The following WWOX variants were observed in gnomAD, a reference collection of about 807,000 sequenced individuals.
WWOX encodes the protein WW domain containing oxidoreductase, also known as WW domain-containing oxidoreductase.
Under a neutral mutation model 46.2 loss-of-function variants are expected in WWOX, and 69 were observed. The observed-to-expected ratio is 1.49, with a 90% CI of 1.23 to 1.82. WWOX has a LOEUF of 1.82. WWOX is among the 40% of genes most tolerant of loss of function. WWOX has a pLI of 0.00. For missense variants in WWOX, 919 were observed against 542.6 expected (o/e 1.69, Z -6.89); for synonymous variants, 359 against 202.6 (o/e 1.77, Z -6.56).
chr16:78,468,947 T>A (rs2084153331), intron 8 of WWOX, among the ~76,000 whole-genome samples: 1 of 152,184 alleles, frequency 6.6e-6, no homozygotes, highest in African/African-American at 2.4e-5. Flanking sequence ...AGAGCGAAAC[T>A]TTTGGTATGA....
At chr16:78,818,481 A>T (rs986105736) in intron 8 of WWOX, among the ~76,000 whole-genome samples, 2 of 152,232 alleles carry the variant, frequency 1.3e-5, no homozygotes, top group East Asian at 1.9e-4. Context: ...CTGTAATCCC[A>T]GCACTTCGGG....
At chr16:78,451,968 T>C (rs11866221) in intron 8 of WWOX, among the ~76,000 whole-genome samples, 21,119 of 152,148 alleles carry the variant, frequency 0.14, 1,868 homozygotes, top group East Asian at 0.3. Flanking sequence ...TTTTTTCAGG[T>C]CATATTAATG....
intron 8 of WWOX, among the ~76,000 whole-genome samples, chr16:78,924,263 T>A (rs371332176): frequency 6.6e-6 from 1 of 152,168 alleles, no homozygotes; most frequent in African/African-American, 2.4e-5. Context: ...CTTTATAATG[T>A]GGTTAGACAA....
At chr16:78,923,244 G>C (rs2045420969) in intron 8 of WWOX, among the ~76,000 whole-genome samples, 1 of 152,094 alleles carries the variant, frequency 6.6e-6, no homozygotes, top group African/African-American at 2.4e-5. Context: ...GCCTCCCAAA[G>C]CACTGGGATT....
chr16:78,389,984 T>C (rs1234666946), intron 6 of WWOX, among the ~76,000 whole-genome samples: 3 of 152,190 alleles, frequency 2.0e-5, no homozygotes, highest in Non-Finnish European at 2.9e-5. Context: ...TGACCTCAAG[T>C]GATCTCTCCA....
At chr16:79,011,304 T>C (rs1213478587) in intron 8 of WWOX, among the ~76,000 whole-genome samples, 2 of 151,760 alleles carry the variant, frequency 1.3e-5, no homozygotes, top group African/African-American at 4.8e-5. Context: ...AAATTAACAC[T>C]ATTACGTAGT....
At chr16:78,412,604 T>C (rs67569839) in intron 6 of WWOX, among the ~76,000 whole-genome samples, 40,063 of 151,872 alleles carry the variant, frequency 0.26, 10,728 homozygotes, top group African/African-American at 0.68. Flanking sequence ...CAAGAGTGGA[T>C]GGTATCACAG....
chr16:78,442,020 C>G (rs1204139699), intron 8 of WWOX, among the ~76,000 whole-genome samples: 1 of 150,268 alleles, frequency 6.7e-6, no homozygotes, highest in Non-Finnish European at 1.5e-5. Context: ...GCCTATAATC[C>G]TAACAGTTGA....
Position 78,675,672 on chromosome 16 carries a change from T to A in WWOX, c.1056+242920T>A, listed in dbSNP as rs573729191. On this transcript the variant is annotated intron_variant, in intron 8 of 8. Coordinates refer to ENST00000566780, the MANE Select transcript of WWOX (RefSeq NM_016373.4). ...ATGTCTTTAAAAAAAATAAATTAAATTTTTAAAAACATGACTTTCTGGCCA... is the reference window on the plus strand; with the variant it reads ...ATGTCTTTAAAAAAAATAAATTAAAATTTTAAAAACATGACTTTCTGGCCA... 3.1e-4 allele frequency among the ~76,000 whole-genome samples: 47 copies of A among 152,252 alleles called. 2 individuals carry two copies. Among genetic ancestry groups the A allele is most frequent in the Middle Eastern group, 3.4e-3 (1 of 294 alleles).
intron 8 of WWOX, among the ~76,000 whole-genome samples, chr16:78,951,471 C>G (rs2046058469): frequency 6.6e-6 from 1 of 151,916 alleles, no homozygotes; most frequent in Non-Finnish European, 1.5e-5. Context: ...GCGGGATCCC[C>G]TTGATCCACA....
intron 8 of WWOX, among the ~76,000 whole-genome samples, chr16:78,575,064 T>TATATATAA (rs2044838686): frequency 4.6e-5 from 1 of 21,548 alleles, no homozygotes. Context: ...TATATATATA[T>TATATATAA]ATATATATAT....
rs80094555 is a variant in WWOX at position 78,419,089 on chromosome 16, C to T, written c.606-5781C>T. On this transcript the variant is annotated intron_variant, in intron 6 of 8. Coordinates refer to ENST00000566780, the MANE Select transcript of WWOX (RefSeq NM_016373.4). ...TAAAAAATATTAAAATGAACAGGTTCAGCCAGGATAAAAGTAGGATAAAAG... is the reference window on the plus strand; with the variant it reads ...TAAAAAATATTAAAATGAACAGGTTTAGCCAGGATAAAAGTAGGATAAAAG... Among the ~76,000 whole-genome samples, 43 of 152,088 alleles carry T rather than the reference C, an allele frequency of 2.8e-4. No individual in the cohort carries two copies. In the East Asian group the frequency reaches 8.1e-3, roughly 29 times the overall value.
chr16:79,167,428 G>T (rs1471000567), intron 8 of WWOX, among the ~76,000 whole-genome samples: 1 of 152,080 alleles, frequency 6.6e-6, no homozygotes, highest in Non-Finnish European at 1.5e-5. Context: ...GGCTCAGATG[G>T]CTCTGACCTT....
chr16:78,458,461 A>G (rs544165020), intron 8 of WWOX, among the ~76,000 whole-genome samples: 8 of 152,014 alleles, frequency 5.3e-5, no homozygotes, highest in African/African-American at 7.2e-5. Context: ...AGGTTTCCCT[A>G]TGTTGCCCAG....
intron 5 of WWOX, among the ~76,000 whole-genome samples, chr16:78,228,343 T>C (rs988120180): frequency 4.0e-5 from 1 of 25,306 alleles, no homozygotes; most frequent in Admixed American, 8.8e-4. Flanking sequence ...TTCTCTCTTT[T>C]TTTTTTTTTT....
At chr16:78,763,100 C>A (rs993040690) in intron 8 of WWOX, among the ~76,000 whole-genome samples, 1 of 152,184 alleles carries the variant, frequency 6.6e-6, no homozygotes, top group Admixed American at 6.5e-5. Context: ...CTACTCTGTG[C>A]CAAAGCACTA....
At chr16:79,029,332 A>T (rs2047708327) in intron 8 of WWOX, among the ~76,000 whole-genome samples, 2 of 152,240 alleles carry the variant, frequency 1.3e-5, no homozygotes, top group Admixed American at 1.3e-4. Context: ...TCAGCCATTA[A>T]GAAAAAGGTA....
chr16:79,105,695 C>G (rs867588355), intron 8 of WWOX, among the ~76,000 whole-genome samples: 1 of 150,710 alleles, frequency 6.6e-6, no homozygotes, highest in Non-Finnish European at 1.5e-5. Flanking sequence ...CAGGGTCTCA[C>G]TCTGTCACTC....
At chr16:78,955,767 C>A (rs1044192969) in intron 8 of WWOX, among the ~76,000 whole-genome samples, 2 of 151,748 alleles carry the variant, frequency 1.3e-5, no homozygotes, top group Non-Finnish European at 2.9e-5. Context: ...CCTGCCTCAG[C>A]CTCCCGAGTA....
Sources: allele counts gnomAD v4.1 joint callset (sites outside exome capture counted in the v4.1 genomes callset), GRCh38; gene constraint gnomAD v4.1.1; transcripts MANE v1.5; gene names NCBI Gene and HGNC (gene_info 2026-07-23, HGNC 2026-07-21).